Variants in RRAS2 observed in about 807,000 individuals in gnomAD.
RRAS2 encodes the protein ras-related protein R-Ras2.
A neutral mutation model predicts 27.6 loss-of-function variants in RRAS2; 7 were observed. The ratio of observed to expected loss-of-function variants is 0.25; its 90% CI spans 0.14 to 0.48. The LOEUF (loss-of-function observed/expected upper bound fraction) is 0.48, where lower values mean the gene tolerates loss of function less well. Among genes scored for constraint, RRAS2 ranks in the 20% least tolerant of loss-of-function variants. RRAS2 has a pLI of 0.99. For missense variants in RRAS2, 178 were observed against 256.2 expected (o/e 0.69, Z 2.08); for synonymous variants, 86 against 90.9 (o/e 0.95, Z 0.31).
At chr11:14,326,439 T>C (rs1246224788) in intron 1 of RRAS2, among the ~76,000 whole-genome samples, 5 of 152,218 alleles carry the variant, frequency 3.3e-5, no homozygotes, top group South Asian at 2.1e-4. Flanking sequence ...ACTACACAAA[T>C]TGTTATACTA....
intron 1 of RRAS2, among the ~76,000 whole-genome samples, chr11:14,298,869 C>T (rs1847626314): frequency 6.6e-6 from 1 of 152,218 alleles, no homozygotes; most frequent in Non-Finnish European, 1.5e-5. Flanking sequence ...GTAACAAATA[C>T]AGGCATCACC....
chr11:14,319,178 T>C (rs11826176), intron 1 of RRAS2, among the ~76,000 whole-genome samples: 1,908 of 152,282 alleles, frequency 0.013, 43 homozygotes, highest in African/African-American at 0.044. Context: ...TTTCTCTAGA[T>C]TCATGGAGTA....
upstream of RRAS2, among the ~76,000 whole-genome samples, chr11:14,362,772 C>T (rs1191105247): frequency 6.6e-6 from 1 of 152,206 alleles, no homozygotes; most frequent in Non-Finnish European, 1.5e-5. Context: ...AAACAGGTCT[C>T]CTGACTCCCC....
intron 1 of RRAS2, among the ~76,000 whole-genome samples, chr11:14,298,117 G>GA (rs1373122497): frequency 6.6e-6 from 1 of 151,966 alleles, no homozygotes; most frequent in Non-Finnish European, 1.5e-5. Flanking sequence ...TAAACAACAG[G>GA]AATCAGCAGT....
rs1420350191 is a variant in RRAS2, at chr11:14,279,439, A to T, written c.528-15T>A. 1 of 1,565,430 alleles carries T rather than the reference A, an allele frequency of 6.4e-7. No homozygotes were observed. Among genetic ancestry groups the T allele is most frequent in the Non-Finnish European group, 8.8e-7 (1 of 1,136,118 alleles). On this transcript the variant is annotated splice_polypyrimidine_tract_variant and intron_variant, in intron 5 of 5. Transcript: ENST00000256196. ...CTTGAAATTTCCTGTAAGATAAAAAATTCTAAAATATAATTGCCTTCTTGG... is the reference window on the plus strand; with the variant it reads ...CTTGAAATTTCCTGTAAGATAAAAATTTCTAAAATATAATTGCCTTCTTGG...
chr11:14,331,913 C>T (rs1342249751), intron 1 of RRAS2, among the ~76,000 whole-genome samples: 3 of 152,066 alleles, frequency 2.0e-5, no homozygotes, highest in African/African-American at 7.2e-5. Flanking sequence ...AGGAGCTATA[C>T]CAATGGCCAA....
intron 4 of RRAS2, among the ~76,000 whole-genome samples, chr11:14,292,670 A>C (rs1554945948): frequency 6.6e-6 from 1 of 152,192 alleles, no homozygotes; most frequent in African/African-American, 2.4e-5. Flanking sequence ...TAATTATTTC[A>C]AACAGTTTAT....
intron 1 of RRAS2, among the ~76,000 whole-genome samples, 190 bp from the exon 2 acceptor site, chr11:14,296,045 T>C (rs1795845209): frequency 6.6e-6 from 1 of 151,770 alleles, no homozygotes; most frequent in African/African-American, 2.4e-5. Flanking sequence ...TTAGCCGACG[T>C]GGTGTGTACC....
intron 1 of RRAS2, among the ~76,000 whole-genome samples, chr11:14,296,992 C>A (rs895116015): frequency 2.0e-5 from 3 of 152,154 alleles, no homozygotes; most frequent in Admixed American, 6.5e-5. Context: ...TCATACCACT[C>A]TGCACTCTAG....
chr11:14,354,226 G>A (rs1016705248), intron 1 of RRAS2, among the ~76,000 whole-genome samples: 1 of 152,110 alleles, frequency 6.6e-6, no homozygotes, highest in African/African-American at 2.4e-5. Context: ...ACAGGTCATA[G>A]GACTGACTGA....
At chr11:14,287,085 T>C (rs868956510) in intron 4 of RRAS2, among the ~76,000 whole-genome samples, 12 of 152,326 alleles carry the variant, frequency 7.9e-5, no homozygotes, top group South Asian at 2.1e-4. Flanking sequence ...GCAATGAAAC[T>C]TCCCCCTAAG....
Position 14,281,698 on chromosome 11 carries a change from T to A in RRAS2, c.431A>T (p.Gln144Leu). 1.2e-6 allele frequency: 2 copies of A among 1,600,048 alleles called. No individual in the cohort carries two copies. Among genetic ancestry groups the A allele is most frequent in the South Asian group, 2.3e-5 (2 of 87,376 alleles). Residue 144 changes from glutamine to leucine, a missense_variant, in exon 5 of 6, where the codon CAG (glutamine) becomes CTG (leucine). Coordinates refer to ENST00000256196, the MANE Select transcript of RRAS2 (RefSeq NM_012250.6). Reference sequence around the variant, plus strand: ...TGTTACCTTAAGCTGCCGTGCTAACTGTTGTCCTTCTTCCTGTGTTACCTG... The same window carrying A: ...TGTTACCTTAAGCTGCCGTGCTAACAGTTGTCCTTCTTCCTGTGTTACCTG... ...QRQVTQEEGQ[Q>L]LARQLKVTYM... is the part of the protein sequence containing the mutation.
chr11:14,333,009 TAACTC>T (rs1278736468), intron 1 of RRAS2, among the ~76,000 whole-genome samples: 1 of 152,276 alleles, frequency 6.6e-6, no homozygotes, highest in Non-Finnish European at 1.5e-5. Context: ...AAGAAAAAGA[TAACTC>T]AACATTTGGG....
At chr11:14,318,238 T>C (rs1564968708) in intron 1 of RRAS2, among the ~76,000 whole-genome samples, 1 of 152,070 alleles carries the variant, frequency 6.6e-6, no homozygotes, top group African/African-American at 2.4e-5. Flanking sequence ...GTGGCTCATA[T>C]CTGTAATCCC....
chr11:14,327,613 A>C (rs1848389964), intron 1 of RRAS2, among the ~76,000 whole-genome samples: 1 of 152,236 alleles, frequency 6.6e-6, no homozygotes, highest in Non-Finnish European at 1.5e-5. Context: ...TTTCATGTGA[A>C]AGTCAAATTA....
rs1472393873 is a variant in RRAS2 at position 14,287,888 on chromosome 11, A to AG, written c.409-6169_409-6168insC. Among the ~76,000 whole-genome samples, 764 of 140,496 alleles carry AG rather than the reference A, an allele frequency of 5.4e-3. 7 individuals are homozygous for AG. The highest frequency in any genetic ancestry group is 8.6e-3 in the East Asian group (42 of 4,872). 92.2% of individuals were successfully genotyped at this position (140,496 alleles called of 152,430 possible). On this transcript the variant is annotated intron_variant, in intron 4 of 5. Coordinates refer to ENST00000256196, the MANE Select transcript of RRAS2 (RefSeq NM_012250.6). ...CTCTGTCTCAAAAAAAAAAAAAAAAAAAGAAGAAGAAAAAAACGAAATGTT... is the reference window on the plus strand; with the variant it reads ...CTCTGTCTCAAAAAAAAAAAAAAAAAGAAGAAGAAGAAAAAAACGAAATGTT...
At chr11:14,325,444 C>G (rs1411534900) in intron 1 of RRAS2, among the ~76,000 whole-genome samples, 2 of 151,754 alleles carry the variant, frequency 1.3e-5, no homozygotes, top group African/African-American at 4.8e-5. Context: ...CCTGGGACTA[C>G]AGGCGCCTGC....
intron 1 of RRAS2, among the ~76,000 whole-genome samples, chr11:14,308,495 A>T (rs1211959369): frequency 2.0e-5 from 3 of 152,120 alleles, no homozygotes; most frequent in African/African-American, 7.2e-5. Context: ...CAGCTATATA[A>T]TTTTATTATG....
intron 1 of RRAS2, among the ~76,000 whole-genome samples, chr11:14,310,822 T>A (rs1554948773): frequency 1.3e-5 from 2 of 152,224 alleles, no homozygotes; most frequent in African/African-American, 4.8e-5. Context: ...GAAGGAATTC[T>A]TCCTTGTTTC....
Sources: gnomAD v4.1 joint callset for allele counts (sites outside exome capture counted in the v4.1 genomes callset) on GRCh38, gnomAD v4.1.1 for gene constraint, MANE v1.5 for transcripts, NCBI Gene and HGNC (gene_info 2026-07-23, HGNC 2026-07-21) for gene names.